USP3: variants seen among roughly 807,000 people sequenced by gnomAD.
USP3 encodes the protein ubiquitin specific peptidase 3, also known as ubiquitin carboxyl-terminal hydrolase 3.
USP3 carries 20 observed loss-of-function variants against 72.3 expected under a neutral mutation model. That is an observed-to-expected ratio of 0.28 (90% CI 0.19 to 0.40). The LOEUF is 0.40. USP3 is among the 10% of genes least tolerant of loss of function. The pLI, the probability that USP3 is intolerant of heterozygous loss-of-function variation, is 1.00. For missense variants in USP3, 479 were observed against 633.9 expected, an observed-to-expected ratio of 0.76 and a Z score of 2.62; for synonymous variants, 222 against 225.3, an observed-to-expected ratio of 0.99 and a Z score of 0.13.
At chr15:63,511,486 T>G (rs1315913177) in intron 1 of USP3, among the ~76,000 whole-genome samples, 1 of 152,136 alleles carries the variant, frequency 6.6e-6, no homozygotes, top group Non-Finnish European at 1.5e-5. Flanking sequence ...TGCTGGCAAG[T>G]TGGAACAAGG....
At chr15:63,547,737 AGAGAGAGGGAGG>A (rs1567108411) in intron 3 of USP3, among the ~76,000 whole-genome samples, 1 of 33,788 alleles carries the variant, frequency 3.0e-5, no homozygotes, top group Non-Finnish European at 6.6e-5. Context: ...AGAGAGAGAG[AGAGAGAGGGAGG>A]GAGGGAGGGA....
intron 1 of USP3, among the ~76,000 whole-genome samples, chr15:63,512,352 CCTCTTCTTCTTCT>C (rs1442762875): frequency 2.4e-5 from 1 of 41,922 alleles, no homozygotes; most frequent in African/African-American, 8.1e-5. Context: ...TCCTCCTCTT[CCTCTTCTTCTTCT>C]TTCTTCTTTC....
chr15:63,509,749 A>G (rs2065758597), intron 1 of USP3, among the ~76,000 whole-genome samples: 1 of 152,116 alleles, frequency 6.6e-6, no homozygotes, highest in Non-Finnish European at 1.5e-5. Flanking sequence ...ATCTCAGCTT[A>G]TTTCTAGAGT....
At chr15:63,578,991 C>G (rs2066911208) in intron 11 of USP3, among the ~76,000 whole-genome samples, 1 of 152,070 alleles carries the variant, frequency 6.6e-6, no homozygotes, top group African/African-American at 2.4e-5. Flanking sequence ...TTTAAAAAAT[C>G]AAACACAAGT....
intron 8 of USP3, among the ~76,000 whole-genome samples, chr15:63,565,584 TAG>T (rs549991982): frequency 4.5e-4 from 68 of 152,362 alleles, no homozygotes; most frequent in African/African-American, 1.5e-3. Context: ...CCATAGTTAC[TAG>T]AGTTTTGTGT....
intron 9 of USP3, among the ~76,000 whole-genome samples, chr15:63,572,712 GT>G (rs1441538149): frequency 1.3e-5 from 2 of 152,182 alleles, no homozygotes; most frequent in African/African-American, 2.4e-5. Flanking sequence ...ATTGATTCAA[GT>G]GACAGAAACT....
intron 1 of USP3, among the ~76,000 whole-genome samples, chr15:63,505,160 G>T (rs1169497279): frequency 1.3e-5 from 2 of 151,822 alleles, no homozygotes; most frequent in African/African-American, 4.8e-5. Flanking sequence ...GTGGCCGGGG[G>T]CTGTGCCCGT....
intron 1 of USP3, among the ~76,000 whole-genome samples, chr15:63,507,674 G>A (rs1268825384): frequency 1.3e-5 from 2 of 152,162 alleles, no homozygotes; most frequent in Non-Finnish European, 2.9e-5. Flanking sequence ...TTCAGAATTA[G>A]CATGAGCTTC....
chr15:63,570,671 G>A lies in USP3; in HGVS notation c.908+92G>A, dbSNP rs545535606. 2.6e-6 allele frequency: 4 copies of A among 1,512,238 alleles called. No individual in the cohort carries two copies. The East Asian group carries it at 9.2e-5, about 35-fold the overall frequency. 93.7% of individuals were successfully genotyped at this position (1,512,238 alleles called of 1,614,324 possible). On this transcript the variant is annotated intron_variant, in intron 9 of 14. Coordinates refer to ENST00000380324, the MANE Select transcript of USP3 (RefSeq NM_006537.4). The surrounding 1 kb of genome is among the most constrained non-coding windows in gnomAD (Gnocchi z 4.4). ...TTAGATTTATAACGGAAGGTAGAGG[G>A]GTTTCTTGGACATTTGCTGGAACTT...
At chr15:63,561,678 GAGA>G (rs912358900) in intron 7 of USP3, among the ~76,000 whole-genome samples, 4 of 152,248 alleles carry the variant, frequency 2.6e-5, no homozygotes, top group Middle Eastern at 3.2e-3. Context: ...AAGGGAGCCT[GAGA>G]AGGCGAGTGT....
intron 7 of USP3, among the ~76,000 whole-genome samples, chr15:63,561,588 G>T (rs1468791324): frequency 2.0e-5 from 3 of 152,330 alleles, no homozygotes; most frequent in East Asian, 3.9e-4. Context: ...AGAGGATTTG[G>T]TGCCATCCCT....
At chr15:63,524,872 G>A (rs914409038) in intron 1 of USP3, among the ~76,000 whole-genome samples, 1 of 152,120 alleles carries the variant, frequency 6.6e-6, no homozygotes, top group African/African-American at 2.4e-5. Flanking sequence ...CAGTGCGTTG[G>A]GGCAGTCACA....
Position 63,591,011 on chromosome 15 carries a change from A to AACCTC in USP3, c.*187_*191dup. 1.5e-6 allele frequency: 1 copy of AACCTC among 645,886 alleles called. No individual in the cohort carries two copies. The highest frequency in any genetic ancestry group is 2.3e-6 in the Non-Finnish European group (1 of 427,532). 40.0% of individuals were successfully genotyped at this position (645,886 alleles called of 1,614,324 possible). A position where few individuals can be genotyped will look rare whatever the true frequency, so the allele number is the denominator to read the frequency against. The stretch of plus-strand genomic sequence containing the variant: ...TAATTTTGTTGTTGTTCTACCAGAA[A>AACCTC]ACCTCAGCAGATGTTTTGATTTGCT... On this transcript the variant is annotated 3_prime_UTR_variant, in exon 15 of 15. Coordinates refer to ENST00000380324, the MANE Select transcript of USP3 (RefSeq NM_006537.4).
intron 1 of USP3, chr15:63,530,467 C>T (rs2152657961): frequency 3.1e-6 from 1 of 322,860 alleles, no homozygotes; most frequent in East Asian, 1.2e-4. Context: ...CACGTGCCAC[C>T]ACACCCGGCT....
chr15:63,545,741 G>A (rs1041301856), intron 3 of USP3, among the ~76,000 whole-genome samples: 1 of 151,918 alleles, frequency 6.6e-6, no homozygotes, highest in Non-Finnish European at 1.5e-5. Flanking sequence ...AGGCTAAGGC[G>A]GGCGGATGGC....
Position 63,588,914 on chromosome 15 carries a change from G to C in USP3, c.1330-30G>C, listed in dbSNP as rs2067128837. Reference sequence around the variant, plus strand: ...AGGTCATCGAGATACTGATGTCATTGACCACTGCTCCTTCTTCCTTGTTCT... The same window carrying C: ...AGGTCATCGAGATACTGATGTCATTCACCACTGCTCCTTCTTCCTTGTTCT... On this transcript the variant is annotated intron_variant, in intron 13 of 14. Transcript: ENST00000380324. This position sits in a 1 kb window ranked among gnomAD's most constrained non-coding sequence, Gnocchi z 4.6. The C allele has an allele frequency of 1.9e-6, 3 of 1,613,830 alleles. No homozygotes were observed. Among genetic ancestry groups the C allele is most frequent in the African/African-American group, 2.7e-5 (2 of 74,908 alleles).
rs1182536501 is a variant in USP3 at position 63,504,670 on chromosome 15, C to T, written c.-70C>T. ...CTAGAAGCGACACCAGACGGAGCCT[C>T]CGGAGTTCCTCCGCCCCCACCTCGC... On this transcript the variant is annotated 5_prime_UTR_variant, in exon 1 of 15. Transcript: ENST00000380324. 24 of 1,351,542 alleles carry T rather than the reference C, an allele frequency of 1.8e-5. No individual in the cohort carries two copies. The highest frequency in any genetic ancestry group is 2.2e-5 in the Non-Finnish European group (22 of 1,004,864). The allele number at this position is 1,351,542 out of a possible 1,614,324, so 83.7% of individuals were successfully genotyped here.
At position 63,541,693 on chromosome 15, in the gene USP3, C is replaced by A. The variant is rs555965990; in HGVS notation, c.284+4537C>A. On this transcript the variant is annotated intron_variant, in intron 3 of 14. Transcript: ENST00000380324. The stretch of plus-strand genomic sequence containing the variant: ...TTTAAAAATGCTCTTGCTTCCTAAG[C>A]AAATTCTTTTAGATTTTAACCTTTC... 9.9e-5 allele frequency among the ~76,000 whole-genome samples: 15 copies of A among 152,230 alleles called. No individual in the cohort carries two copies. In the East Asian group the frequency reaches 2.9e-3, roughly 29 times the overall value.
chr15:63,565,681 C>CT (rs890318737), intron 8 of USP3, among the ~76,000 whole-genome samples: 1 of 152,044 alleles, frequency 6.6e-6, no homozygotes, highest in Admixed American at 6.5e-5. Context: ...GATGTATCAT[C>CT]TTTTTTTCCC....
Sources: allele counts gnomAD v4.1 joint callset (sites outside exome capture counted in the v4.1 genomes callset), GRCh38; gene constraint gnomAD v4.1.1; non-coding constraint Gnocchi (gnomAD v3.1); transcripts MANE v1.5; gene names NCBI Gene and HGNC (gene_info 2026-07-23, HGNC 2026-07-21).